Variants in ZFHX4 observed in about 807,000 individuals in gnomAD.
ZFHX4 encodes zinc finger homeobox protein 4.
ZFHX4 carries 56 observed loss-of-function variants against 267.6 expected under a neutral mutation model. The ratio of observed to expected loss-of-function variants is 0.21; its 90% CI spans 0.17 to 0.26. ZFHX4 has a LOEUF of 0.26. Ranked by LOEUF, ZFHX4 falls within the 10% of genes least tolerant of loss-of-function variation. ZFHX4 has a pLI of 1.00. For missense variants in ZFHX4, 4,332 were observed against 4,420.0 expected (o/e 0.98, Z 0.56); for synonymous variants, 1,778 against 1,665.6 (o/e 1.07, Z -1.64).
In ZFHX4 at chr8:76,704,939, A is replaced by G. The variant is rs1460790071; in HGVS notation, c.851A>G (p.Lys284Arg). The G allele has an allele frequency of 6.8e-6, 11 of 1,614,014 alleles. No homozygotes were observed. The highest frequency in any genetic ancestry group is 9.3e-6 in the Non-Finnish European group (11 of 1,179,894). Residue 284 changes from lysine to arginine, a missense_variant, in exon 2 of 11, where the codon AAG becomes AGG. Around this residue, in one of 7 missense-constraint regions of ZFHX4, gnomAD observed 1,195 missense variants for 1,173.6 expected, o/e 1.02. Transcript: ENST00000651372. ...RKPVLMCFLC[K>R]LSFGYIRSFV... ...CCTGTTTTAATGTGTTTCTTGTGCA[A>G]GTTGTCTTTTGGTTATATCAGGTCA...
chr8:76,696,898 G>A (rs1807973570), intron 1 of ZFHX4, among the ~76,000 whole-genome samples: 1 of 151,904 alleles, frequency 6.6e-6, no homozygotes, highest in Admixed American at 6.6e-5. Context: ...GATGCACTTG[G>A]TAGTGATTTA....
chr8:76,714,464 A>G (rs1310255119), intron 3 of ZFHX4, among the ~76,000 whole-genome samples: 1 of 152,084 alleles, frequency 6.6e-6, no homozygotes, highest in Non-Finnish European at 1.5e-5. Flanking sequence ...TGCCCCCCAA[A>G]TTATCAGCCT....
intron 3 of ZFHX4, among the ~76,000 whole-genome samples, chr8:76,756,899 T>C (rs571303959): frequency 1.3e-5 from 2 of 152,316 alleles, no homozygotes; most frequent in African/African-American, 4.8e-5. Context: ...TTAAAAAAGG[T>C]TATTGTGTCT....
chr8:76,859,352 T>G (rs919675811), intron 10 of ZFHX4, among the ~76,000 whole-genome samples: 3 of 152,160 alleles, frequency 2.0e-5, no homozygotes, highest in Admixed American at 6.6e-5. Flanking sequence ...ATGAATTATT[T>G]TTTTCTTTAA....
At position 76,856,077 on chromosome 8, in the gene ZFHX4, G is replaced by C. The variant is rs1812715675; in HGVS notation, c.9156G>C (p.Pro3052=). 1 of 1,613,836 alleles carries C rather than the reference G, an allele frequency of 6.2e-7. No individual in the cohort carries two copies. Among genetic ancestry groups the C allele is most frequent in the South Asian group, 1.1e-5 (1 of 91,072 alleles). The change falls in exon 10 of 11, where the codon CCG becomes CCC. Residue 3052 remains proline (P), a synonymous_variant. Coordinates refer to ENST00000651372, the MANE Select transcript of ZFHX4 (RefSeq NM_024721.5). ...QLDREKDYLA[P]TTVRQLMAQQ... is the part of the protein sequence containing the mutation. ...ATCGGGAGAAAGATTACTTGGCTCCGACCACGGTTCGGCAGCTGATGGCAC... is the reference window on the plus strand; with the variant it reads ...ATCGGGAGAAAGATTACTTGGCTCCCACCACGGTTCGGCAGCTGATGGCAC...
intron 4 of ZFHX4, among the ~76,000 whole-genome samples, chr8:76,797,223 G>T (rs1175958727): frequency 2.0e-5 from 3 of 152,162 alleles, no homozygotes; most frequent in African/African-American, 7.2e-5. Context: ...CACTCTGTTG[G>T]CACTAATACA....
intron 4 of ZFHX4, among the ~76,000 whole-genome samples, chr8:76,810,124 T>G (rs1329422112): frequency 1.3e-5 from 2 of 152,228 alleles, no homozygotes; most frequent in Non-Finnish European, 2.9e-5. Context: ...TTGTTATTCT[T>G]ATAAACTCTT....
intron 5 of ZFHX4, among the ~76,000 whole-genome samples, chr8:76,838,546 A>T (rs1286853218): frequency 6.6e-6 from 1 of 152,154 alleles, no homozygotes; most frequent in Non-Finnish European, 1.5e-5. Context: ...TGAGTGGGGC[A>T]TGATTGGGCA....
intron 3 of ZFHX4, among the ~76,000 whole-genome samples, chr8:76,769,938 G>A (rs11991082): frequency 0.075 from 11,381 of 152,160 alleles, 948 homozygotes; most frequent in East Asian, 0.29. Flanking sequence ...ACTAGGGTCA[G>A]AAACTGTGGG....
intron 3 of ZFHX4, among the ~76,000 whole-genome samples, chr8:76,769,962 T>C (rs1477618195): frequency 6.6e-6 from 1 of 152,146 alleles, no homozygotes; most frequent in Non-Finnish European, 1.5e-5. Context: ...TGCTGCCTCC[T>C]GCTACTGTCT....
chr8:76,830,119 A>T (rs1390455606), intron 4 of ZFHX4, among the ~76,000 whole-genome samples: 1 of 152,142 alleles, frequency 6.6e-6, no homozygotes. Flanking sequence ...GCAAATAAAG[A>T]TATCATTCAG....
chr8:76,710,639 G>C (rs972327287), intron 3 of ZFHX4, among the ~76,000 whole-genome samples: 25 of 152,212 alleles, frequency 1.6e-4, no homozygotes, highest in Middle Eastern at 6.8e-3. Flanking sequence ...AACATTAAGG[G>C]GAAGTGACAA....
Position 76,864,155 on chromosome 8 carries a change from A to T in ZFHX4, c.10441A>T (p.Arg3481Ter). 6.2e-7 allele frequency: 1 copy of T among 1,613,980 alleles called. No individual in the cohort carries two copies. The highest frequency in any genetic ancestry group is 8.5e-7 in the Non-Finnish European group (1 of 1,179,852). The change falls in exon 11 of 11, where the codon AGA becomes TGA. Residue 3481 changes from arginine to a stop codon, truncating the protein, a stop_gained. Transcript: ENST00000651372. LOFTEE classifies it high-confidence loss of function. The part of the protein sequence containing the change: ...HKEKTIKQAM[R>*]NAKEHVRLLP... Reference sequence around the variant, plus strand: ...AGAGAAAACAATCAAACAAGCAATGAGAAATGCCAAAGAGCATGTTAGATT... The same window carrying T: ...AGAGAAAACAATCAAACAAGCAATGTGAAATGCCAAAGAGCATGTTAGATT...
chr8:76,778,580 A>G, intron 4 of ZFHX4, 141 bp downstream of exon 4: 3 of 701,648 alleles, frequency 4.3e-6, no homozygotes, highest in South Asian at 1.7e-5. Context: ...GCAGCTCTTA[A>G]TCTCTCAGAA....
chr8:76,765,038 C>T (rs1387091290), intron 3 of ZFHX4, among the ~76,000 whole-genome samples: 2 of 152,044 alleles, frequency 1.3e-5, no homozygotes. Context: ...TTTTCAATCT[C>T]GTAAAAATTT....
In ZFHX4 at chr8:76,850,471, A is replaced by G. The variant is rs561843525; in HGVS notation, c.3964+109A>G. The G allele has an allele frequency of 1.1e-4, 94 of 877,432 alleles. No homozygotes were observed. The African/African-American group carries it at 1.2e-3, about 11-fold the overall frequency. The allele number at this position is 877,432 out of a possible 1,614,324, so 54.4% of individuals were successfully genotyped here. A position where few individuals can be genotyped will look rare whatever the true frequency, so the allele number is the denominator to read the frequency against. On this transcript the variant is annotated intron_variant, in intron 9 of 10. Transcript: ENST00000651372. Reference sequence around the variant, plus strand: ...AAAAGATTTTCGTAAAGCATAGGGGAAAAATGTATGCCATTTCAAAGAGCC... The same window carrying G: ...AAAAGATTTTCGTAAAGCATAGGGGGAAAATGTATGCCATTTCAAAGAGCC...
At chr8:76,856,587 A>T (rs184273192) in intron 10 of ZFHX4, among the ~76,000 whole-genome samples, 3 of 152,186 alleles carry the variant, frequency 2.0e-5, no homozygotes, top group Admixed American at 2.0e-4. Context: ...TTATTTTTAT[A>T]CTAATTTCAA....
At position 76,704,424 on chromosome 8, in the gene ZFHX4, C is replaced by G; in HGVS notation, c.336C>G (p.Asn112Lys). The change falls in exon 2 of 11, where the codon AAC becomes AAG. Residue 112 changes from asparagine (N) to lysine (K), a missense_variant. This residue lies in a region of ZFHX4 where 1,195 missense variants were observed against 1,173.6 expected (regional missense o/e 1.02). Coordinates refer to ENST00000651372, the MANE Select transcript of ZFHX4 (RefSeq NM_024721.5). ...GCCTTCCTGTCCTGAAGGATGACAA[C>G]GAGAGCGAGATCAGCGAGTTAGAGG... The part of the protein sequence containing the change: ...NARLPVLKDD[N>K]ESEISELEDS... The G allele has an allele frequency of 6.2e-7, 1 of 1,613,924 alleles. No homozygotes were observed. The highest frequency in any genetic ancestry group is 8.5e-7 in the Non-Finnish European group (1 of 1,179,880).
intron 3 of ZFHX4, among the ~76,000 whole-genome samples, chr8:76,718,503 A>G (rs933359405): frequency 1.3e-5 from 2 of 152,152 alleles, no homozygotes; most frequent in African/African-American, 4.8e-5. Flanking sequence ...AAATTTTTCC[A>G]TGATGAGTAT....
Sources: gnomAD v4.1 joint callset for allele counts (sites outside exome capture counted in the v4.1 genomes callset) on GRCh38, gnomAD v4.1.1 for gene constraint, gnomAD v4.1.1 regional missense constraint, MANE v1.5 for transcripts, NCBI Gene and HGNC (gene_info 2026-07-23, HGNC 2026-07-21) for gene names.